Variants in NKAIN2 observed in about 807,000 individuals in gnomAD.
The protein encoded by NKAIN2 is sodium/potassium-transporting ATPase subunit beta-1-interacting protein 2.
A neutral mutation model predicts 32.6 loss-of-function variants in NKAIN2; 14 were observed. The observed-to-expected ratio is 0.43, with a 90% CI of 0.28 to 0.67. The LOEUF (loss-of-function observed/expected upper bound fraction) is 0.67, where lower values mean the gene tolerates loss of function less well. Among genes scored for constraint, NKAIN2 ranks in the 30% least tolerant of loss-of-function variants. The probability of loss-of-function intolerance (pLI) is 0.17; values close to 1 mark genes in which losing one functional copy is unlikely to be tolerated. For synonymous variants in NKAIN2, 80 were observed against 87.2 expected (o/e 0.92, Z 0.46); for missense variants, 198 against 258.3 (o/e 0.77, Z 1.60).
Position 124,447,589 on chromosome 6 carries a change from G to A in NKAIN2, c.273+92242G>A, listed in dbSNP as rs556323339. The stretch of plus-strand genomic sequence containing the variant: ...CAGGTGCTTTCATTATGCAGAAGAT[G>A]TAAAATACAGTGATTGAACGGCACT... On this transcript the variant is annotated intron_variant, in intron 3 of 6. Transcript: ENST00000368417. 1.6e-3 allele frequency among the ~76,000 whole-genome samples: 242 copies of A among 152,242 alleles called. 1 individual carries two copies. The highest frequency in any genetic ancestry group is 5.6e-3 in the Admixed American group (85 of 15,288).
At chr6:123,841,860 A>G (rs1582632034) in intron 1 of NKAIN2, among the ~76,000 whole-genome samples, 1 of 152,198 alleles carries the variant, frequency 6.6e-6, no homozygotes, top group Non-Finnish European at 1.5e-5. Flanking sequence ...TGGATCAGTT[A>G]TTGTATAACC....
chr6:123,894,879 C>A (rs534338797), intron 1 of NKAIN2, among the ~76,000 whole-genome samples: 2 of 152,022 alleles, frequency 1.3e-5, no homozygotes, highest in Admixed American at 6.5e-5. Flanking sequence ...GTTTTGATAC[C>A]ATTATAATAT....
chr6:124,143,746 T>G (rs1160753768), intron 1 of NKAIN2, among the ~76,000 whole-genome samples: 3 of 152,116 alleles, frequency 2.0e-5, no homozygotes, highest in Non-Finnish European at 4.4e-5. Context: ...ATAAAACTGA[T>G]TTTTTTAATC....
chr6:123,977,152 T>A (rs567630142), intron 1 of NKAIN2, among the ~76,000 whole-genome samples: 40 of 152,318 alleles, frequency 2.6e-4, no homozygotes, highest in Admixed American at 1.8e-3. Flanking sequence ...TTCTTTTAAT[T>A]TTTTGTAGAG....
chr6:124,684,381 C>T (rs1410281131), intron 4 of NKAIN2, among the ~76,000 whole-genome samples: 1 of 152,126 alleles, frequency 6.6e-6, no homozygotes, highest in African/African-American at 2.4e-5. Flanking sequence ...TTCTCAGGCT[C>T]CACCCCAGAC....
At chr6:124,050,229 C>A (rs1782341254) in intron 1 of NKAIN2, among the ~76,000 whole-genome samples, 1 of 151,908 alleles carries the variant, frequency 6.6e-6, no homozygotes, top group Non-Finnish European at 1.5e-5. Flanking sequence ...ATAGGGCACT[C>A]ACATGCATTG....
At chr6:123,954,967 G>A (rs1166690577) in intron 1 of NKAIN2, among the ~76,000 whole-genome samples, 2 of 152,026 alleles carry the variant, frequency 1.3e-5, no homozygotes, top group South Asian at 2.1e-4. Flanking sequence ...AATTTGCAGG[G>A]TGTACTGAGC....
intron 1 of NKAIN2, among the ~76,000 whole-genome samples, chr6:124,077,324 C>A (rs1288512916): frequency 2.6e-5 from 4 of 152,124 alleles, no homozygotes; most frequent in Non-Finnish European, 5.9e-5. Flanking sequence ...TTATTTTTGT[C>A]AGTGTTTTTA....
chr6:123,860,098 G>T (rs148225878), intron 1 of NKAIN2, among the ~76,000 whole-genome samples: 1 of 152,264 alleles, frequency 6.6e-6, no homozygotes, highest in African/African-American at 2.4e-5. Flanking sequence ...CACAGTGGAA[G>T]CACTTCTACT....
chr6:124,545,875 A>T (rs1323021012), intron 3 of NKAIN2, among the ~76,000 whole-genome samples: 3 of 152,070 alleles, frequency 2.0e-5, no homozygotes, highest in Non-Finnish European at 2.9e-5. Context: ...ATGAAATCTG[A>T]TTATTTGATT....
intron 3 of NKAIN2, among the ~76,000 whole-genome samples, chr6:124,483,080 C>T (rs942947312): frequency 2.0e-5 from 3 of 149,866 alleles, no homozygotes; most frequent in African/African-American, 7.3e-5. Context: ...CGAGATCGTG[C>T]CACTGCACTC....
At chr6:123,900,800 TA>T (rs1774546477) in intron 1 of NKAIN2, among the ~76,000 whole-genome samples, 1 of 152,064 alleles carries the variant, frequency 6.6e-6, no homozygotes, top group African/African-American at 2.4e-5. Flanking sequence ...GCAGGACACC[TA>T]AAACAAATCT....
At chr6:124,321,598 C>T (rs544266796) in intron 2 of NKAIN2, among the ~76,000 whole-genome samples, 20 of 152,262 alleles carry the variant, frequency 1.3e-4, no homozygotes, top group African/African-American at 4.6e-4. Context: ...TCTGCAAGCT[C>T]CCAGTGCTTT....
chr6:124,459,284 T>G (rs550406058), intron 3 of NKAIN2, among the ~76,000 whole-genome samples: 1 of 151,990 alleles, frequency 6.6e-6, no homozygotes, highest in South Asian at 2.1e-4. Context: ...AATAAGCCTG[T>G]TCCTGGCTCT....
chr6:124,327,175 G>A (rs1420358871), intron 2 of NKAIN2, among the ~76,000 whole-genome samples: 1 of 151,498 alleles, frequency 6.6e-6, no homozygotes, highest in African/African-American at 2.4e-5. Flanking sequence ...AAATTTTTCT[G>A]GAAACATATT....
At position 124,374,937 on chromosome 6, in the gene NKAIN2, C is replaced by G. The variant is rs983045410; in HGVS notation, c.273+19590C>G. Among the ~76,000 whole-genome samples, 11 of 152,028 alleles carry G rather than the reference C, an allele frequency of 7.2e-5. 1 individual carries two copies. Among genetic ancestry groups the G allele is most frequent in the African/African-American group, 1.7e-4 (7 of 41,422 alleles). ...AAGACACTGGCTGAAATGGCCTCTG[C>G]TATCTCCTCAGCTCATTCTCTGCCC... On this transcript the variant is annotated intron_variant, in intron 3 of 6. Coordinates refer to ENST00000368417, the MANE Select transcript of NKAIN2 (RefSeq NM_001040214.3).
intron 2 of NKAIN2, chr6:124,283,397 C>T (rs962062035): frequency 7.3e-6 from 2 of 273,510 alleles, no homozygotes; most frequent in African/African-American, 2.2e-5. Flanking sequence ...CTCATAATTA[C>T]AAGCCAAACT....
chr6:124,543,486 T>C (rs1779981654), intron 3 of NKAIN2, among the ~76,000 whole-genome samples: 2 of 152,164 alleles, frequency 1.3e-5, no homozygotes, highest in Non-Finnish European at 2.9e-5. Flanking sequence ...TATGACCCAA[T>C]TTGATGTTTA....
intron 3 of NKAIN2, chr6:124,490,420 T>G (rs998873435): frequency 6.0e-5 from 25 of 414,214 alleles, no homozygotes; most frequent in African/African-American, 3.8e-4. Flanking sequence ...AGGTTTTTTT[T>G]TTTTTTTTTT....
Sources: allele counts gnomAD v4.1 joint callset (sites outside exome capture counted in the v4.1 genomes callset), GRCh38; gene constraint gnomAD v4.1.1; transcripts MANE v1.5; gene names NCBI Gene and HGNC (gene_info 2026-07-23, HGNC 2026-07-21).